RAP1GAP2: variants seen among roughly 807,000 people sequenced by gnomAD.
The protein encoded by RAP1GAP2 is rap1 GTPase-activating protein 2.
In RAP1GAP2, 27 loss-of-function variants were observed where a neutral mutation model predicts 95.0. The observed-to-expected ratio is 0.28, with a 90% CI of 0.21 to 0.39. The LOEUF (loss-of-function observed/expected upper bound fraction) is 0.39, where lower values mean the gene tolerates loss of function less well. Ranked by LOEUF, RAP1GAP2 falls within the 10% of genes least tolerant of loss-of-function variation. RAP1GAP2 has a pLI of 1.00. For missense variants in RAP1GAP2, 771 were observed against 970.0 expected (o/e 0.79, Z 2.72); for synonymous variants, 373 against 380.9 (o/e 0.98, Z 0.24).
chr17:2,888,092 C>G (rs2073565380), intron 2 of RAP1GAP2, among the ~76,000 whole-genome samples: 1 of 152,138 alleles, frequency 6.6e-6, no homozygotes, highest in Admixed American at 6.5e-5. Context: ...GTGGTTAACT[C>G]TGTCTCAGAG....
In RAP1GAP2 at chr17:2,866,145, G is replaced by T. The variant is rs932533014; in HGVS notation, c.81-39139G>T. 6.6e-6 allele frequency among the ~76,000 whole-genome samples: 1 copy of T among 152,262 alleles called. No individual in the cohort carries two copies. The highest frequency in any genetic ancestry group is 2.4e-5 in the African/African-American group (1 of 41,474). On this transcript the variant is annotated intron_variant, in intron 2 of 24. Transcript: ENST00000254695. This position sits in a 1 kb window ranked among gnomAD's most constrained non-coding sequence, Gnocchi z 4.0. Reference sequence around the variant, plus strand: ...GGTGGCATTTGAAGTGGGCCTCGGGGACTGGACAGGATGTCTGAAGGGAGA... The same window carrying T: ...GGTGGCATTTGAAGTGGGCCTCGGGTACTGGACAGGATGTCTGAAGGGAGA...
intron 1 of RAP1GAP2, among the ~76,000 whole-genome samples, chr17:2,787,323 G>A (rs2068810407): frequency 6.6e-6 from 1 of 150,708 alleles, no homozygotes; most frequent in Non-Finnish European, 1.5e-5. Flanking sequence ...GAGTGCAGTG[G>A]TCTTTACTGC....
chr17:2,872,838 GT>G (rs1312126815), intron 2 of RAP1GAP2, among the ~76,000 whole-genome samples: 3 of 151,906 alleles, frequency 2.0e-5, no homozygotes, highest in Non-Finnish European at 4.4e-5. Flanking sequence ...GCCTGGCAAA[GT>G]TTTTGTAGAG....
intron 19 of RAP1GAP2, 129 bp downstream of exon 19, chr17:3,020,724 TC>T: frequency 1.3e-6 from 1 of 747,390 alleles, no homozygotes; most frequent in South Asian, 1.8e-5. Context: ...GGCTCTGCCT[TC>T]AGGCACCTGT....
chr17:3,026,039 G>C lies in RAP1GAP2; in HGVS notation c.1783G>C (p.Asp595His), dbSNP rs375851472. 2.5e-5 allele frequency: 41 copies of C among 1,613,684 alleles called. No homozygotes were observed. Among genetic ancestry groups the C allele is most frequent in the Middle Eastern group, 1.6e-4 (1 of 6,082 alleles). Residue 595 changes from aspartate (D) to histidine (H), a missense_variant, in exon 20 of 25, where the codon GAT becomes CAT. Coordinates refer to ENST00000254695, the MANE Select transcript of RAP1GAP2 (RefSeq NM_015085.5). ...CACATCCAGCACACCCAAGACCCCA[G>C]ATGGTGGACACTCCTCTCAGGAGAT... ...DSTSSTPKTP[D>H]GGHSSQEIKS... is the part of the protein sequence containing the mutation.
At chr17:2,886,536 C>A (rs1316009442) in intron 2 of RAP1GAP2, among the ~76,000 whole-genome samples, 1 of 152,044 alleles carries the variant, frequency 6.6e-6, no homozygotes, top group Non-Finnish European at 1.5e-5. Flanking sequence ...TCAGTGGTGC[C>A]CTTTGTAACA....
chr17:3,017,180 G>A (rs1012748437), intron 17 of RAP1GAP2, among the ~76,000 whole-genome samples: 10 of 152,054 alleles, frequency 6.6e-5, no homozygotes, highest in Admixed American at 3.3e-4. Flanking sequence ...CATCCCTCCC[G>A]TGGCTGAGTA....
rs2046397087 is a variant in RAP1GAP2, at chr17:3,008,248, A to G, written c.1494+103A>G. The G allele has an allele frequency of 6.6e-7, 1 of 1,518,438 alleles. No homozygotes were observed. The highest frequency in any genetic ancestry group is 9.0e-7 in the Non-Finnish European group (1 of 1,116,936). 94.1% of individuals were successfully genotyped at this position (1,518,438 alleles called of 1,614,324 possible). A position where few individuals can be genotyped will look rare whatever the true frequency, so the allele number is the denominator to read the frequency against. On this transcript the variant is annotated intron_variant, in intron 17 of 24. Coordinates refer to ENST00000254695, the MANE Select transcript of RAP1GAP2 (RefSeq NM_015085.5). The surrounding 1 kb of genome is among the most constrained non-coding windows in gnomAD (Gnocchi z 4.2). ...ATACTGATCCCAGAGCCCAAGGGCC[A>G]GCTGGAGGGGTGACAGGAAACGTAT...
intron 8 of RAP1GAP2, among the ~76,000 whole-genome samples, chr17:2,970,742 T>C (rs567439626): frequency 7.2e-5 from 11 of 152,246 alleles, no homozygotes; most frequent in Non-Finnish European, 1.6e-4. Context: ...TTTAAGATTC[T>C]ATTTTTTAAA....
intron 2 of RAP1GAP2, among the ~76,000 whole-genome samples, chr17:2,801,227 C>T (rs1235690283): frequency 2.0e-5 from 3 of 151,348 alleles, no homozygotes; most frequent in African/African-American, 7.3e-5. Context: ...GTAATCCCAG[C>T]ACTTTGGGAG....
intron 2 of RAP1GAP2, among the ~76,000 whole-genome samples, chr17:2,770,860 G>A (rs2068376902): frequency 6.6e-6 from 1 of 152,082 alleles, no homozygotes; most frequent in South Asian, 2.1e-4. Flanking sequence ...GGCCAACATG[G>A]TGAAAACTCG....
At chr17:3,007,118 G>A (rs761057677) in intron 16 of RAP1GAP2, among the ~76,000 whole-genome samples, 2 of 152,158 alleles carry the variant, frequency 1.3e-5, no homozygotes, top group Non-Finnish European at 1.5e-5. Context: ...AGAGCCTGAC[G>A]TCAGGAGGGA....
At chr17:3,026,305 C>G in intron 20 of RAP1GAP2, 45 bp from the exon 21 acceptor site, 1 of 1,484,294 alleles carries the variant, frequency 6.7e-7, no homozygotes, top group Non-Finnish European at 9.2e-7. Flanking sequence ...GGGTGGAGGG[C>G]TCTCGCGTGT....
At chr17:2,762,862 GAT>G (rs1274209794) in intron 1 of RAP1GAP2, among the ~76,000 whole-genome samples, 1 of 152,120 alleles carries the variant, frequency 6.6e-6, no homozygotes, top group Middle Eastern at 3.4e-3. Context: ...CTTTTGTAGA[GAT>G]AAGGTTTTGC....
chr17:2,761,200 C>A (rs1414641985), intron 1 of RAP1GAP2, among the ~76,000 whole-genome samples: 1 of 151,810 alleles, frequency 6.6e-6, no homozygotes, highest in Admixed American at 6.6e-5. Flanking sequence ...AATGATCCAC[C>A]CATCTCGGCC....
At position 3,027,705 on chromosome 17, in the gene RAP1GAP2, G is replaced by A. The variant is rs1483829229; in HGVS notation, c.2107+635G>A. On this transcript the variant is annotated intron_variant, in intron 22 of 24. Transcript: ENST00000254695. This position sits in a 1 kb window ranked among gnomAD's most constrained non-coding sequence, Gnocchi z 5.2. ...CTTAAGTAGGGAAGCACCATCTGGA[G>A]TTGAGAAAGTCCATTTTGGCTGCTG... Among the ~76,000 whole-genome samples, 5 of 145,512 alleles carry A rather than the reference G, an allele frequency of 3.4e-5. No individual in the cohort carries two copies.
intron 3 of RAP1GAP2, among the ~76,000 whole-genome samples, chr17:2,912,909 G>A (rs1198799733): frequency 1.3e-5 from 2 of 152,176 alleles, no homozygotes; most frequent in Non-Finnish European, 2.9e-5. Context: ...TGGGCATGGT[G>A]GCACATGCCT....
At chr17:2,956,276 G>A (rs1049105724) in intron 3 of RAP1GAP2, among the ~76,000 whole-genome samples, 1 of 152,214 alleles carries the variant, frequency 6.6e-6, no homozygotes, top group African/African-American at 2.4e-5. Context: ...ATTCACACGT[G>A]GGGTTTCTAG....
chr17:2,924,283 G>T (rs1167325237), intron 3 of RAP1GAP2, among the ~76,000 whole-genome samples: 3 of 152,164 alleles, frequency 2.0e-5, no homozygotes, highest in Non-Finnish European at 4.4e-5. Flanking sequence ...ACCTCCCGAT[G>T]CCTGGAGGGA....
Sources: gnomAD v4.1 joint callset for allele counts (sites outside exome capture counted in the v4.1 genomes callset) on GRCh38, gnomAD v4.1.1 for gene constraint, Gnocchi (gnomAD v3.1) non-coding constraint, MANE v1.5 for transcripts, NCBI Gene and HGNC (gene_info 2026-07-23, HGNC 2026-07-21) for gene names.